MOXD1: variants seen among roughly 807,000 people sequenced by gnomAD.
The protein encoded by MOXD1 is DBH-like monooxygenase protein 1.
Under a neutral mutation model 66.6 loss-of-function variants are expected in MOXD1, and 62 were observed. The ratio of observed to expected loss-of-function variants is 0.93; its 90% CI spans 0.76 to 1.15. The LOEUF is 1.15. Ranked by LOEUF, MOXD1 falls within the 50% of genes most tolerant of loss-of-function variation. The pLI is 0.00. For missense variants in MOXD1, 847 were observed against 754.6 expected (o/e 1.12, Z -1.44); for synonymous variants, 303 against 281.9 (o/e 1.07, Z -0.75).
At chr6:132,336,373 G>A (rs905084813) in intron 4 of MOXD1, among the ~76,000 whole-genome samples, 1 of 152,172 alleles carries the variant, frequency 6.6e-6, no homozygotes, top group Non-Finnish European at 1.5e-5. Context: ...CTGCCTATGG[G>A]AACATTTCAG....
intron 4 of MOXD1, among the ~76,000 whole-genome samples, chr6:132,342,908 G>T (rs1775593251): frequency 6.6e-6 from 1 of 152,164 alleles, no homozygotes; most frequent in African/African-American, 2.4e-5. Flanking sequence ...TCCTATGCAG[G>T]ATAGATAGAT....
At chr6:132,397,675 A>G (rs185505226) in intron 1 of MOXD1, among the ~76,000 whole-genome samples, 26 of 142,056 alleles carry the variant, frequency 1.8e-4, no homozygotes, top group Admixed American at 1.6e-3. Context: ...AGAAAGAAAG[A>G]AAGAAAGAAA....
chr6:132,391,871 G>A (rs138044078), intron 1 of MOXD1: 45 of 194,824 alleles, frequency 2.3e-4, no homozygotes, highest in African/African-American at 8.8e-4. Context: ...CATCTGCTCC[G>A]CCAGGAAGAA....
At chr6:132,350,934 A>G (rs970518600) in intron 4 of MOXD1, among the ~76,000 whole-genome samples, 5 of 151,936 alleles carry the variant, frequency 3.3e-5, no homozygotes, top group Admixed American at 6.6e-5. Flanking sequence ...TCTTGATTTG[A>G]TTCTCTGCTT....
At chr6:132,391,530 T>C (rs1776763892) in intron 1 of MOXD1, 1 of 152,184 alleles carries the variant, frequency 6.6e-6, no homozygotes. Context: ...AAAAGTTCTT[T>C]ACCAGTTTTT....
intron 4 of MOXD1, among the ~76,000 whole-genome samples, chr6:132,367,358 C>A (rs1582597445): frequency 1.3e-5 from 2 of 152,192 alleles, no homozygotes; most frequent in South Asian, 4.1e-4. Flanking sequence ...ATGTTCCCAG[C>A]ACTGTTATAA....
In MOXD1 at chr6:132,374,710, G is replaced by T. The variant is rs866819268; in HGVS notation, c.332C>A (p.Ala111Asp). 1.9e-6 allele frequency: 3 copies of T among 1,613,386 alleles called. No individual in the cohort carries two copies. Among genetic ancestry groups the T allele is most frequent in the Non-Finnish European group, 2.5e-6 (3 of 1,179,646 alleles). The change falls in exon 2 of 12, where the codon GCC becomes GAC. Residue 111 changes from alanine to aspartate, a missense_variant. Physicochemically the swap from Ala to Asp is moderately radical, Grantham distance 126. Transcript: ENST00000367963. ...DAQQDYHLEY[A>D]MENSTHTIIE... ...TATTGTGTGTGTGCTATTTTCCATG[G>T]CATATTCTAGATGGTAATCTTGCTG...
At chr6:132,313,730 A>G (rs932934376) in intron 10 of MOXD1, among the ~76,000 whole-genome samples, 1 of 152,158 alleles carries the variant, frequency 6.6e-6, no homozygotes, top group Non-Finnish European at 1.5e-5. Context: ...CCTGCCCAAC[A>G]TGGAGAAACC....
intron 1 of MOXD1, among the ~76,000 whole-genome samples, chr6:132,385,676 G>A (rs1776615596): frequency 6.6e-6 from 1 of 151,748 alleles, no homozygotes; most frequent in Admixed American, 6.6e-5. Context: ...TAGAGGCAGG[G>A]TTTCACCATG....
At position 132,324,100 on chromosome 6, in the gene MOXD1, A is replaced by G. The variant is rs1326198376; in HGVS notation, c.947-3T>C. 6.2e-7 allele frequency: 1 copy of G among 1,609,638 alleles called. No homozygotes were observed. Among genetic ancestry groups the G allele is most frequent in the Non-Finnish European group, 8.5e-7 (1 of 1,178,228 alleles). ...CAGTCCAGAATTATCTATTAAGCCT[A>G]GAACAAAAGCACATAATTAAAGTGA... is the stretch of plus-strand genomic sequence containing the variant. On this transcript the variant is annotated splice_region_variant and splice_polypyrimidine_tract_variant and intron_variant, in intron 6 of 11. Coordinates refer to ENST00000367963, the MANE Select transcript of MOXD1 (RefSeq NM_015529.4).
At chr6:132,301,790 TC>T (rs545370472) in intron 10 of MOXD1, among the ~76,000 whole-genome samples, 43 of 152,196 alleles carry the variant, frequency 2.8e-4, no homozygotes, top group African/African-American at 9.9e-4. Flanking sequence ...TGTAAAAAAC[TC>T]AAAATTCGAC....
intron 4 of MOXD1, among the ~76,000 whole-genome samples, chr6:132,364,818 T>A (rs770525719): frequency 5.3e-5 from 8 of 152,154 alleles, no homozygotes; most frequent in Non-Finnish European, 1.2e-4. Context: ...GCAAATACGG[T>A]TATCAGCCCT....
chr6:132,398,941 A>C (rs1410924485), intron 1 of MOXD1, among the ~76,000 whole-genome samples: 5 of 151,488 alleles, frequency 3.3e-5, no homozygotes, highest in African/African-American at 4.8e-5. Context: ...TTGTCAAAAA[A>C]AAAAAAAAAA....
In MOXD1 at chr6:132,300,753, T is replaced by C. The variant is rs1452006580; in HGVS notation, c.1509-2798A>G. ...AGATATGTAGAAAGGCCAAGCCCAA[T>C]GGCGCGTATGTTGGAGACAGAATGA... On this transcript the variant is annotated intron_variant, in intron 10 of 11. Coordinates refer to ENST00000367963, the MANE Select transcript of MOXD1 (RefSeq NM_015529.4). Among the ~76,000 whole-genome samples the C allele has an allele frequency of 2.0e-5, 3 of 152,220 alleles. No individual in the cohort carries two copies. The East Asian group carries it at 5.8e-4, about 29-fold the overall frequency.
At chr6:132,372,785 T>G (rs1246459843) in intron 3 of MOXD1, 45 bp downstream of exon 3, 1 of 1,610,982 alleles carries the variant, frequency 6.2e-7, no homozygotes, top group Non-Finnish European at 8.5e-7. Flanking sequence ...CGTATACACT[T>G]TCAATAAGCC....
intron 2 of MOXD1, among the ~76,000 whole-genome samples, chr6:132,373,934 C>T (rs952547516): frequency 6.6e-6 from 1 of 152,072 alleles, no homozygotes; most frequent in Non-Finnish European, 1.5e-5. Context: ...TTTTCTGCCT[C>T]GTTCACTCTT....
chr6:132,316,604 TA>T (rs746345256), intron 9 of MOXD1, among the ~76,000 whole-genome samples: 2 of 151,970 alleles, frequency 1.3e-5, no homozygotes, highest in Non-Finnish European at 2.9e-5. Context: ...CAAAACGAAA[TA>T]AAAACTTCAC....
chr6:132,338,618 A>G (rs893919943), intron 4 of MOXD1, among the ~76,000 whole-genome samples: 1 of 152,170 alleles, frequency 6.6e-6, no homozygotes, highest in African/African-American at 2.4e-5. Context: ...TTCTCCTGGC[A>G]CTTCCTTAGT....
At position 132,327,313 on chromosome 6, in the gene MOXD1, T is replaced by C. The variant is rs190530429; in HGVS notation, c.946+700A>G. On this transcript the variant is annotated intron_variant, in intron 6 of 11. Coordinates refer to ENST00000367963, the MANE Select transcript of MOXD1 (RefSeq NM_015529.4). ...CTTTTTCACATTGGGCTATAATTTC[T>C]GTAAGGGTGAGAACAGCATCTGTTT... Among the ~76,000 whole-genome samples the C allele has an allele frequency of 4.1e-3, 624 of 152,268 alleles. 5 individuals are homozygous for C. Among genetic ancestry groups the C allele is most frequent in the Middle Eastern group, 0.024 (7 of 294 alleles).
Sources: gnomAD v4.1 joint callset for allele counts (sites outside exome capture counted in the v4.1 genomes callset) on GRCh38, gnomAD v4.1.1 for gene constraint, MANE v1.5 for transcripts, NCBI Gene and HGNC (gene_info 2026-07-23, HGNC 2026-07-21) for gene names.